FBXL17: variants seen among roughly 807,000 people sequenced by gnomAD.
The protein encoded by FBXL17 is F-box/LRR-repeat protein 17.
FBXL17 carries 22 observed loss-of-function variants against 66.2 expected under a neutral mutation model. That is an observed-to-expected ratio of 0.33 (90% CI 0.24 to 0.47). The LOEUF (loss-of-function observed/expected upper bound fraction) is 0.47, where lower values mean the gene tolerates loss of function less well. FBXL17 is among the 20% of genes least tolerant of loss of function. FBXL17 has a pLI of 1.00. For missense variants in FBXL17, 878 were observed against 948.2 expected (o/e 0.93, Z 0.97); for synonymous variants, 474 against 400.5 (o/e 1.18, Z -2.19).
intron 4 of FBXL17, among the ~76,000 whole-genome samples, chr5:108,332,735 G>A (rs1255308065): frequency 6.6e-6 from 1 of 151,940 alleles, no homozygotes; most frequent in Non-Finnish European, 1.5e-5. Flanking sequence ...AGCCTCCCAA[G>A]TAGCTGGGAT....
At chr5:107,981,539 C>T (rs1298617547) in intron 7 of FBXL17, among the ~76,000 whole-genome samples, 1 of 152,222 alleles carries the variant, frequency 6.6e-6, no homozygotes, top group Non-Finnish European at 1.5e-5. Context: ...GTAGGAAGGA[C>T]TGACGAGGTC....
At chr5:108,020,743 T>C (rs929013647) in intron 7 of FBXL17, 182 bp downstream of exon 7, 6 of 499,722 alleles carry the variant, frequency 1.2e-5, no homozygotes, top group African/African-American at 1.2e-4. Flanking sequence ...AATATGCATA[T>C]TCATTTTACT....
At chr5:108,041,464 C>T (rs538120346) in intron 6 of FBXL17, among the ~76,000 whole-genome samples, 23 of 152,022 alleles carry the variant, frequency 1.5e-4, no homozygotes, top group Non-Finnish European at 2.5e-4. Context: ...TCACCCAGGC[C>T]GGAGAGCAGT....
intron 6 of FBXL17, among the ~76,000 whole-genome samples, chr5:108,099,168 T>C (rs1427056498): frequency 1.3e-5 from 2 of 152,098 alleles, no homozygotes; most frequent in Non-Finnish European, 1.5e-5. Context: ...AGCAATAATA[T>C]AACTACATTT....
At chr5:108,071,180 A>G (rs1214108836) in intron 6 of FBXL17, among the ~76,000 whole-genome samples, 4 of 152,220 alleles carry the variant, frequency 2.6e-5, no homozygotes, top group Non-Finnish European at 5.9e-5. Context: ...TCACACTGCA[A>G]TTCTCAAAGT....
At position 108,381,312 on chromosome 5, in the gene FBXL17, G is replaced by A. The variant is rs963763816; in HGVS notation, c.380C>T (p.Ala127Val). Residue 127 changes from alanine to valine, a missense_variant, in exon 1 of 9, where the codon GCC becomes GTC. Physicochemically the swap from Ala to Val is moderately conservative, Grantham distance 64. Around this residue, in one of 4 missense-constraint regions of FBXL17, gnomAD observed 605 missense variants for 509.5 expected, o/e 1.19. Transcript: ENST00000542267. ...CGAAGCCGAGGCGGCAGCGGCGGCG[G>A]CGGCGGCGGCCGAGGATAGCAGGAA... is the stretch of plus-strand genomic sequence containing the variant. The part of the protein sequence containing the change: ...RRFLLSSAAA[A>V]AAAAASASSP... The A allele has an allele frequency of 5.7e-6, 8 of 1,396,112 alleles. No individual in the cohort carries two copies. The South Asian group carries it at 7.7e-5, about 14-fold the overall frequency. The allele number at this position is 1,396,112 out of a possible 1,614,324, so 86.5% of individuals were successfully genotyped here.
chr5:108,381,056 C>T lies in FBXL17; in HGVS notation c.636G>A (p.Gln212=), dbSNP rs920414347. 1.6e-6 allele frequency: 2 copies of T among 1,216,788 alleles called. No homozygotes were observed. 75.4% of individuals were successfully genotyped at this position (1,216,788 alleles called of 1,614,324 possible). A position where few individuals can be genotyped will look rare whatever the true frequency, so the allele number is the denominator to read the frequency against. ...AGVPACTPCK[Q]PRCGGGGCGG... ...CGCAGCCCCCGCCGCCGCAGCGGGG[C>T]TGCTTGCAGGGGGTGCAGGCGGGGA... The change falls in exon 1 of 9, where the codon CAG becomes CAA. Residue 212 remains glutamine, a synonymous_variant. Coordinates refer to ENST00000542267, the MANE Select transcript of FBXL17 (RefSeq NM_001163315.3).
At chr5:107,876,050 CTATT>C (rs1332888870) in intron 8 of FBXL17, among the ~76,000 whole-genome samples, 1 of 152,214 alleles carries the variant, frequency 6.6e-6, no homozygotes, top group Non-Finnish European at 1.5e-5. Flanking sequence ...CTTTCACAAT[CTATT>C]TATGTCTGTT....
chr5:108,226,572 T>C (rs1390330022), intron 4 of FBXL17, among the ~76,000 whole-genome samples: 2 of 152,220 alleles, frequency 1.3e-5, no homozygotes, highest in African/African-American at 4.8e-5. Context: ...GTTAATTTTC[T>C]ATATCAACTT....
chr5:108,098,423 CA>C, intron 6 of FBXL17, among the ~76,000 whole-genome samples: 1 of 151,978 alleles, frequency 6.6e-6, no homozygotes, highest in Non-Finnish European at 1.5e-5. Flanking sequence ...CTTTTTGGGT[CA>C]ACTTGCCACA....
At chr5:108,019,811 A>T (rs935443038) in intron 7 of FBXL17, among the ~76,000 whole-genome samples, 4 of 151,996 alleles carry the variant, frequency 2.6e-5, no homozygotes, top group African/African-American at 9.7e-5. Flanking sequence ...CAACGTAAGT[A>T]AAGAAAAATA....
rs1315707013 is a variant in FBXL17 at position 108,002,280 on chromosome 5, TC to T, written c.1822+18644del. On this transcript the variant is annotated intron_variant, in intron 7 of 8. Coordinates refer to ENST00000542267, the MANE Select transcript of FBXL17 (RefSeq NM_001163315.3). Reference sequence around the variant, plus strand: ...CTCAGGTGTTCCACCCACCTCGGCCTCCCAAAATGCTGGGATTACAGGCACA... The same window carrying T: ...CTCAGGTGTTCCACCCACCTCGGCCTCCAAAATGCTGGGATTACAGGCACA... 2.7e-5 allele frequency among the ~76,000 whole-genome samples: 4 copies of T among 148,344 alleles called. No individual in the cohort carries two copies. In the East Asian group the frequency reaches 6.0e-4, roughly 22 times the overall value.
At chr5:108,043,937 C>G (rs1391462978) in intron 6 of FBXL17, among the ~76,000 whole-genome samples, 1 of 152,022 alleles carries the variant, frequency 6.6e-6, no homozygotes, top group South Asian at 2.1e-4. Flanking sequence ...TGGTTTACTT[C>G]TTTATTTTTT....
intron 4 of FBXL17, among the ~76,000 whole-genome samples, chr5:108,327,327 C>A (rs1759905802): frequency 1.3e-5 from 2 of 152,148 alleles, no homozygotes; most frequent in African/African-American, 2.4e-5. Context: ...ACCCTAAAGC[C>A]TGAACTACAC....
intron 7 of FBXL17, among the ~76,000 whole-genome samples, chr5:107,995,299 A>G (rs1753426568): frequency 6.6e-6 from 1 of 152,246 alleles, no homozygotes; most frequent in African/African-American, 2.4e-5. Context: ...TTACAAGTCA[A>G]CTATTTCCTA....
Position 107,860,010 on chromosome 5 carries a change from T to C in FBXL17, c.*1710A>G, listed in dbSNP as rs1748078024. The C allele has an allele frequency of 6.6e-6, 1 of 152,158 alleles. No individual in the cohort carries two copies. Among genetic ancestry groups the C allele is most frequent in the Non-Finnish European group, 1.5e-5 (1 of 68,018 alleles). 9.4% of individuals were successfully genotyped at this position (152,158 alleles called of 1,614,324 possible). On this transcript the variant is annotated 3_prime_UTR_variant, in exon 9 of 9. Coordinates refer to ENST00000542267, the MANE Select transcript of FBXL17 (RefSeq NM_001163315.3). ...CCCTTCAAATTAAATTAGAAACCCA[T>C]TTAGTTATGGGAAGAATACTCATGG...
At chr5:108,244,555 A>G (rs1181132481) in intron 4 of FBXL17, among the ~76,000 whole-genome samples, 1 of 152,190 alleles carries the variant, frequency 6.6e-6, no homozygotes, top group Non-Finnish European at 1.5e-5. Flanking sequence ...TTCAATGTAC[A>G]AACACTTCCT....
At chr5:108,227,201 A>T (rs1337708652) in intron 4 of FBXL17, among the ~76,000 whole-genome samples, 2 of 152,176 alleles carry the variant, frequency 1.3e-5, no homozygotes, top group Admixed American at 6.6e-5. Flanking sequence ...TGTATTTTCA[A>T]CAAGCCCCCA....
chr5:108,265,427 T>C (rs961786953), intron 4 of FBXL17, among the ~76,000 whole-genome samples: 2 of 152,102 alleles, frequency 1.3e-5, no homozygotes, highest in Non-Finnish European at 2.9e-5. Context: ...TCTCAACAAT[T>C]CCCATAATAT....
Sources: allele counts gnomAD v4.1 joint callset (sites outside exome capture counted in the v4.1 genomes callset), GRCh38; gene constraint gnomAD v4.1.1; regional missense constraint gnomAD v4.1.1; transcripts MANE v1.5; gene names NCBI Gene and HGNC (gene_info 2026-07-23, HGNC 2026-07-21).